The following SPATA12 variants were observed in gnomAD, a reference collection of about 807,000 sequenced individuals.
SPATA12 encodes the protein spermatogenesis associated 12.
For synonymous variants in SPATA12, 85 were observed against 89.2 expected (o/e 0.95, Z 0.26); for missense variants, 219 against 226.4 (o/e 0.97, Z 0.21).
chr3:57,072,469 G>A (rs1482688746), intron 1 of SPATA12, among the ~76,000 whole-genome samples: 3 of 151,450 alleles, frequency 2.0e-5, no homozygotes, highest in East Asian at 3.9e-4. Context: ...GGCCAGGTGC[G>A]GTGGCTCATG....
At chr3:57,067,796 G>A (rs1344013433) in intron 1 of SPATA12, among the ~76,000 whole-genome samples, 8 of 149,944 alleles carry the variant, frequency 5.3e-5, no homozygotes, top group East Asian at 2.0e-4. Flanking sequence ...TGGCTAACAC[G>A]GTGAAACCCC....
chr3:57,063,728 T>G (rs1226584440), intron 1 of SPATA12, among the ~76,000 whole-genome samples: 1 of 152,024 alleles, frequency 6.6e-6, no homozygotes, highest in African/African-American at 2.4e-5. Flanking sequence ...TCAGGAAGGA[T>G]GGCAACAGAG....
chr3:57,068,747 G>A (rs1705704605), intron 1 of SPATA12, among the ~76,000 whole-genome samples: 1 of 152,132 alleles, frequency 6.6e-6, no homozygotes, highest in Non-Finnish European at 1.5e-5. Flanking sequence ...AACCTCAACT[G>A]TGTAACGTGC....
At position 57,060,692 on chromosome 3, in the gene SPATA12, G is replaced by GCTCAC. The variant is rs976916180; in HGVS notation, c.-421_-417dup. On this transcript the variant is annotated 5_prime_UTR_variant, in exon 1 of 2. Coordinates refer to ENST00000334325, the MANE Select transcript of SPATA12 (RefSeq NM_181727.2). ...GTCACTGAGAAAATTCTTTGTGCAG[G>GCTCAC]CTCACCTTCCCCTCATCTCCCCCAC... 5 of 152,282 alleles carry GCTCAC rather than the reference G, an allele frequency of 3.3e-5. No individual in the cohort carries two copies. Among genetic ancestry groups the GCTCAC allele is most frequent in the African/African-American group, 1.2e-4 (5 of 41,418 alleles). The allele number at this position is 152,282 out of a possible 1,614,324, so 9.4% of individuals were successfully genotyped here.
Position 57,074,231 on chromosome 3 carries a change from A to G in SPATA12, c.537A>G (p.Thr179=). Residue 179 remains threonine, a synonymous_variant, in exon 2 of 2, where the codon ACA becomes ACG. Coordinates refer to ENST00000334325, the MANE Select transcript of SPATA12 (RefSeq NM_181727.2). ...TEGCFVRSLS[T]VYSNTHIHTH... ...GCTGCTTTGTCAGGTCCCTCTCTAC[A>G]GTATACTCCAACACACACATACACA... 6.2e-7 allele frequency: 1 copy of G among 1,614,010 alleles called. No homozygotes were observed. The highest frequency in any genetic ancestry group is 8.5e-7 in the Non-Finnish European group (1 of 1,180,012).
intron 1 of SPATA12, among the ~76,000 whole-genome samples, chr3:57,068,168 T>TACACACACAC (rs55876198): frequency 1.0e-4 from 15 of 148,982 alleles, no homozygotes; most frequent in African/African-American, 3.2e-4. Flanking sequence ...CACACACACA[T>TACACACACAC]ACACACACAC....
Position 57,072,443 on chromosome 3 carries a change from TA to T in SPATA12, c.-329-910del, listed in dbSNP as rs35145725. 3.4e-3 allele frequency among the ~76,000 whole-genome samples: 486 copies of T among 144,694 alleles called. 2 individuals carry two copies. Among genetic ancestry groups the T allele is most frequent in the African/African-American group, 0.011 (418 of 38,964 alleles). 94.9% of individuals were successfully genotyped at this position (144,694 alleles called of 152,430 possible). A position where few individuals can be genotyped will look rare whatever the true frequency, so the allele number is the denominator to read the frequency against. On this transcript the variant is annotated intron_variant, in intron 1 of 1. Transcript: ENST00000334325. The stretch of plus-strand genomic sequence containing the variant: ...GCACTGTCCAGGCCAAATAAAGAAT[TA>T]AAAAAAAAAAAATAGGCCAGGTGCG...
At chr3:57,069,774 A>T (rs1370520403) in intron 1 of SPATA12, among the ~76,000 whole-genome samples, 1 of 152,158 alleles carries the variant, frequency 6.6e-6, no homozygotes, top group African/African-American at 2.4e-5. Context: ...CCTTCCAAGT[A>T]TGTGGGACTA....
chr3:57,072,344 A>G (rs1374207038), intron 1 of SPATA12, among the ~76,000 whole-genome samples: 1 of 152,124 alleles, frequency 6.6e-6, no homozygotes, highest in Admixed American at 6.6e-5. Flanking sequence ...CAGGGCAGGT[A>G]AAAGAGAGGA....
In SPATA12 at chr3:57,074,947, T is replaced by TGGAGGCA. The variant is rs1313371054; in HGVS notation, c.*685_*686insCAGGAGG. 10 of 167,378 alleles carry TGGAGGCA rather than the reference T, an allele frequency of 6.0e-5. No individual in the cohort carries two copies. Among genetic ancestry groups the TGGAGGCA allele is most frequent in the Non-Finnish European group, 7.3e-5 (5 of 68,398 alleles). The allele number at this position is 167,378 out of a possible 1,614,324, so 10.4% of individuals were successfully genotyped here. Reference sequence around the variant, plus strand: ...CTTACTCCAGCCACCTGCCAGGACCTGGAGGGCAGGAGGAGAGTTCTGCCT... The same window carrying TGGAGGCA: ...CTTACTCCAGCCACCTGCCAGGACCTGGAGGCAGGAGGGCAGGAGGAGAGTTCTGCCT... On this transcript the variant is annotated 3_prime_UTR_variant, in exon 2 of 2. Transcript: ENST00000334325.
At chr3:57,065,825 C>G (rs561543119) in intron 1 of SPATA12, among the ~76,000 whole-genome samples, 1 of 152,096 alleles carries the variant, frequency 6.6e-6, no homozygotes, top group Non-Finnish European at 1.5e-5. Flanking sequence ...GCACACACAG[C>G]CCCCTACAGC....
chr3:57,071,626 C>T (rs1017644005), intron 1 of SPATA12, among the ~76,000 whole-genome samples: 1 of 150,072 alleles, frequency 6.7e-6, no homozygotes, highest in African/African-American at 2.5e-5. Context: ...TGCCACTATA[C>T]TCCAGCCTGG....
chr3:57,067,898 G>A lies in SPATA12; in HGVS notation c.-329-5468G>A, dbSNP rs181677512. Reference sequence around the variant, plus strand: ...CCAGCTACTCAGAAGGCTGAGGTAGGAGAATGGCGTGAACCTGGGAGGCAG... The same window carrying A: ...CCAGCTACTCAGAAGGCTGAGGTAGAAGAATGGCGTGAACCTGGGAGGCAG... On this transcript the variant is annotated intron_variant, in intron 1 of 1. Transcript: ENST00000334325. 4.6e-5 allele frequency among the ~76,000 whole-genome samples: 7 copies of A among 152,084 alleles called. No homozygotes were observed. The East Asian group carries it at 1.4e-3, about 29-fold the overall frequency.
rs774846422 is a variant in SPATA12, at chr3:57,073,946, A to G, written c.252A>G (p.Arg84=). The G allele has an allele frequency of 1.9e-6, 3 of 1,614,216 alleles. No homozygotes were observed. Among genetic ancestry groups the G allele is most frequent in the South Asian group, 1.1e-5 (1 of 91,086 alleles). The change falls in exon 2 of 2, where the codon AGA becomes AGG. Residue 84 remains arginine, a synonymous_variant. Coordinates refer to ENST00000334325, the MANE Select transcript of SPATA12 (RefSeq NM_181727.2). ...GDVCQSETCQ[R]YLQAAISLDI... is the part of the protein sequence containing the mutation. ...TGTGCCAAAGTGAGACCTGTCAGAG[A>G]TATTTACAAGCAGCCATCTCTCTTG...
chr3:57,069,603 C>T (rs11717604), intron 1 of SPATA12, among the ~76,000 whole-genome samples: 15,987 of 152,224 alleles, frequency 0.11, 1,052 homozygotes, highest in East Asian at 0.35. Flanking sequence ...TGTGCCAAAG[C>T]ATTACATCTG....
At position 57,066,255 on chromosome 3, in the gene SPATA12, A is replaced by G. The variant is rs536829848; in HGVS notation, c.-330+5469A>G. 3.2e-4 allele frequency among the ~76,000 whole-genome samples: 48 copies of G among 148,534 alleles called. No individual in the cohort carries two copies. In the South Asian group the frequency reaches 7.4e-3, roughly 23 times the overall value. ...GCACACTTCCACTTCCAACCATTAC[A>G]CTTTTCCTTTCTTTCTTTTTTTTTT... On this transcript the variant is annotated intron_variant, in intron 1 of 1. Coordinates refer to ENST00000334325, the MANE Select transcript of SPATA12 (RefSeq NM_181727.2).
chr3:57,065,574 C>A (rs1560173544), intron 1 of SPATA12, among the ~76,000 whole-genome samples: 1 of 152,156 alleles, frequency 6.6e-6, no homozygotes, highest in African/African-American at 2.4e-5. Flanking sequence ...AAAAAACAGA[C>A]TGGGTACTTG....
At chr3:57,061,241 A>G (rs1471422669) in intron 1 of SPATA12, among the ~76,000 whole-genome samples, 1 of 152,174 alleles carries the variant, frequency 6.6e-6, no homozygotes, top group Non-Finnish European at 1.5e-5. Context: ...TTTCTCATGT[A>G]GCATAATACT....
At chr3:57,070,785 C>A (rs773156564) in intron 1 of SPATA12, among the ~76,000 whole-genome samples, 3 of 151,546 alleles carry the variant, frequency 2.0e-5, no homozygotes, top group African/African-American at 4.8e-5. Context: ...ACAGCCAGAC[C>A]CAGTCTCTAC....
Sources: allele counts gnomAD v4.1 joint callset (sites outside exome capture counted in the v4.1 genomes callset), GRCh38; gene constraint gnomAD v4.1.1; transcripts MANE v1.5; gene names NCBI Gene and HGNC (gene_info 2026-07-23, HGNC 2026-07-21).